The following TIMM44 variants were observed in gnomAD, a reference collection of about 807,000 sequenced individuals.
TIMM44 encodes translocase of inner mitochondrial membrane 44, also known as mitochondrial import inner membrane translocase subunit TIM44.
TIMM44 carries 37 observed loss-of-function variants against 63.8 expected under a neutral mutation model. The observed-to-expected ratio is 0.58, with a 90% CI of 0.45 to 0.76. The LOEUF (loss-of-function observed/expected upper bound fraction) is 0.76, where lower values mean the gene tolerates loss of function less well. TIMM44 is among the 30% of genes least tolerant of loss of function. The pLI is 0.00. For missense variants in TIMM44, 573 were observed against 603.8 expected (o/e 0.95, Z 0.54); for synonymous variants, 239 against 245.1 (o/e 0.98, Z 0.23).
Position 7,934,326 on chromosome 19 carries a change from A to T in TIMM44, c.394-88T>A. The T allele has an allele frequency of 6.4e-7, 1 of 1,558,794 alleles. No homozygotes were observed. Among genetic ancestry groups the T allele is most frequent in the Non-Finnish European group, 8.7e-7 (1 of 1,143,846 alleles). Reference sequence around the variant, plus strand: ...GGAGGAATGAATTCCTGCCGGAGAGAAGGGCGGATCTGGTTCCCCGAGGCC... The same window carrying T: ...GGAGGAATGAATTCCTGCCGGAGAGTAGGGCGGATCTGGTTCCCCGAGGCC... On this transcript the variant is annotated intron_variant, in intron 4 of 12. Coordinates refer to ENST00000270538, the MANE Select transcript of TIMM44 (RefSeq NM_006351.4). The surrounding 1 kb of genome is among the most constrained non-coding windows in gnomAD (Gnocchi z 5.3).
At chr19:7,939,790 C>T (rs981574598) in intron 2 of TIMM44, among the ~76,000 whole-genome samples, 4 of 151,886 alleles carry the variant, frequency 2.6e-5, no homozygotes, top group Non-Finnish European at 5.9e-5. Context: ...GCGGCGCCTG[C>T]CTGTAGTCCC....
At chr19:7,927,950 G>A in intron 11 of TIMM44, 127 bp downstream of exon 11, 1 of 1,153,854 alleles carries the variant, frequency 8.7e-7, no homozygotes, top group Non-Finnish European at 1.3e-6. Flanking sequence ...CCTCCCCTTG[G>A]ACAAGCCCAA....
chr19:7,932,029 CGA>C (rs1983999675), intron 9 of TIMM44, among the ~76,000 whole-genome samples: 1 of 152,188 alleles, frequency 6.6e-6, no homozygotes, highest in African/African-American at 2.4e-5. Flanking sequence ...AGGCCTGGCC[CGA>C]CTGGGCCGAA....
At chr19:7,931,090 T>C in intron 10 of TIMM44, 48 bp downstream of exon 10, 10 of 1,583,338 alleles carry the variant, frequency 6.3e-6, no homozygotes, top group East Asian at 2.2e-5. Flanking sequence ...TCCATGGTGA[T>C]TTTTTAGGCC....
At chr19:7,928,001 G>A in intron 11 of TIMM44, 76 bp downstream of exon 11, 1 of 1,438,580 alleles carries the variant, frequency 7.0e-7, no homozygotes, top group East Asian at 2.4e-5. Flanking sequence ...CCCTGGCAAG[G>A]CCACCTCCTG....
At chr19:7,927,415 G>A (rs999552129) in intron 12 of TIMM44, 109 bp from the exon 13 acceptor site, 6 of 1,392,924 alleles carry the variant, frequency 4.3e-6, no homozygotes, top group Non-Finnish European at 4.0e-6. Flanking sequence ...CTTCCCCAGG[G>A]GCTGGGAGCA....
chr19:7,939,287 C>G (rs1349905004), intron 2 of TIMM44, among the ~76,000 whole-genome samples: 2 of 152,044 alleles, frequency 1.3e-5, no homozygotes, highest in Non-Finnish European at 2.9e-5. Context: ...TTTCTGTAAA[C>G]CTAAAACTGC....
At chr19:7,928,461 G>A (rs1983881626) in intron 10 of TIMM44, 1 of 452,796 alleles carries the variant, frequency 2.2e-6, no homozygotes, top group Non-Finnish European at 4.0e-6. Flanking sequence ...CCAGGGCTAA[G>A]CTGGCGGCCC....
intron 3 of TIMM44, among the ~76,000 whole-genome samples, chr19:7,936,977 C>T (rs1984173831): frequency 6.6e-6 from 1 of 152,024 alleles, no homozygotes; most frequent in African/African-American, 2.4e-5. Context: ...TGGTGTGTGT[C>T]TGTAATCCCA....
Position 7,928,198 on chromosome 19 carries a change from G to A in TIMM44, c.1039-32C>T, listed in dbSNP as rs1309763147. On this transcript the variant is annotated intron_variant, in intron 10 of 12. Transcript: ENST00000270538. ...TGAGAGGCCGACACGCCTGCGTGAT[G>A]CCACCCAGGGTGGGCACCACGCCAC... is the stretch of plus-strand genomic sequence containing the variant. 2.5e-6 allele frequency: 4 copies of A among 1,586,972 alleles called. No individual in the cohort carries two copies. The South Asian group carries it at 4.5e-5, about 18-fold the overall frequency.
In TIMM44 at chr19:7,941,174, T is replaced by C. The variant is rs35992331; in HGVS notation, c.69A>G (p.Gln23=). The change falls in exon 2 of 13, where the codon CAA becomes CAG. Residue 23 remains glutamine (Q), a synonymous_variant. Transcript: ENST00000270538. The part of the protein sequence containing the change: ...CPRRCLGSGI[Q]FLSSHNLPHG... ...GGGGTAGGTTGTGGCTGGAAAGAAA[T>C]TGGATTCCACTGCCGAGGCATCTCT... 1.0e-3 allele frequency: 1,656 copies of C among 1,613,986 alleles called. 19 individuals carry two copies. In the African/African-American group the frequency reaches 0.019, roughly 19 times the overall value.
intron 3 of TIMM44, among the ~76,000 whole-genome samples, chr19:7,936,563 T>C (rs575380474): frequency 9.8e-4 from 149 of 152,292 alleles, no homozygotes; most frequent in Non-Finnish European, 1.5e-3. Flanking sequence ...CAGCTGCTCA[T>C]TGGTAAAATG....
At chr19:7,936,523 C>A (rs1448708160) in intron 3 of TIMM44, among the ~76,000 whole-genome samples, 1 of 152,156 alleles carries the variant, frequency 6.6e-6, no homozygotes, top group African/African-American at 2.4e-5. Flanking sequence ...ATGCAAGGGA[C>A]CCGTGGCAGG....
chr19:7,932,993 A>C, intron 7 of TIMM44, 61 bp from the exon 8 acceptor site: 4 of 1,371,544 alleles, frequency 2.9e-6, no homozygotes, highest in Non-Finnish European at 4.1e-6. Context: ...ACCCTCCCTC[A>C]CAGCTTCTAG....
At chr19:7,935,846 C>T (rs1465715428) in intron 3 of TIMM44, among the ~76,000 whole-genome samples, 1 of 152,186 alleles carries the variant, frequency 6.6e-6, no homozygotes, top group Non-Finnish European at 1.5e-5. Flanking sequence ...CCTGCTATGT[C>T]TTCAGATGAC....
At position 7,935,125 on chromosome 19, in the gene TIMM44, G is replaced by A. The variant is rs761950354; in HGVS notation, c.333C>T (p.Thr111=). 1.4e-5 allele frequency: 23 copies of A among 1,611,660 alleles called. No homozygotes were observed. Among genetic ancestry groups the A allele is most frequent in the African/African-American group, 1.1e-4 (8 of 74,460 alleles). Residue 111 remains threonine (T), a synonymous_variant, in exon 4 of 13, where the codon ACC becomes ACT. Transcript: ENST00000270538. ...RRKYKTIESE[T]VRTSEVLRKK... ...TCCGTAGCACCTCGCTCGTCCGCAC[G>A]GTTTCTGACTCGATGGTTTTCTAGG...
Position 7,938,141 on chromosome 19 carries a change from A to G in TIMM44, c.198T>C (p.Asn66=), listed in dbSNP as rs1277092220. The G allele has an allele frequency of 6.2e-7, 1 of 1,613,914 alleles. No individual in the cohort carries two copies. The highest frequency in any genetic ancestry group is 1.7e-5 in the Admixed American group (1 of 59,960). ...TGTTTTTGGCTAATTCTTGTTTGACATTATCTAGCAAGCCGGACAGAAAGC... is the reference window on the plus strand; with the variant it reads ...TGTTTTTGGCTAATTCTTGTTTGACGTTATCTAGCAAGCCGGACAGAAAGC... ...RKGFLSGLLD[N]VKQELAKNKE... The change falls in exon 3 of 13, where the codon AAT becomes AAC. Residue 66 remains asparagine, a synonymous_variant. Coordinates refer to ENST00000270538, the MANE Select transcript of TIMM44 (RefSeq NM_006351.4).
intron 10 of TIMM44, chr19:7,928,875 G>A (rs1983892029): frequency 1.4e-5 from 2 of 139,246 alleles, no homozygotes; most frequent in East Asian, 2.1e-4. Context: ...CTGGCAAAGC[G>A]AGTCAGCTGT....
rs1333773914 is a variant in TIMM44 at position 7,941,153 on chromosome 19, T to C, written c.90A>G (p.Leu30=). 4 of 1,613,824 alleles carry C rather than the reference T, an allele frequency of 2.5e-6. No homozygotes were observed. Among genetic ancestry groups the C allele is most frequent in the Non-Finnish European group, 3.4e-6 (4 of 1,179,950 alleles). ...SGIQFLSSHN[L]PHGSTYQMRR... is the part of the protein sequence containing the mutation. The stretch of plus-strand genomic sequence containing the variant: ...GCATCTGATAGGTCGACCCATGGGG[T>C]AGGTTGTGGCTGGAAAGAAATTGGA... Residue 30 remains leucine (L), a synonymous_variant, in exon 2 of 13, where the codon CTA becomes CTG. Coordinates refer to ENST00000270538, the MANE Select transcript of TIMM44 (RefSeq NM_006351.4).
Sources: allele counts gnomAD v4.1 joint callset (sites outside exome capture counted in the v4.1 genomes callset), GRCh38; gene constraint gnomAD v4.1.1; non-coding constraint Gnocchi (gnomAD v3.1); transcripts MANE v1.5; gene names NCBI Gene and HGNC (gene_info 2026-07-23, HGNC 2026-07-21).